Variants in SDR16C5 observed in about 807,000 individuals in gnomAD.
SDR16C5 encodes the protein short chain dehydrogenase/reductase family 16C member 5.
Under a neutral mutation model 27.7 loss-of-function variants are expected in SDR16C5, and 20 were observed. The ratio of observed to expected loss-of-function variants is 0.72; its 90% CI spans 0.51 to 1.05. The LOEUF is 1.05. SDR16C5 is among the 50% of genes least tolerant of loss of function. SDR16C5 has a pLI of 0.00. For missense variants in SDR16C5, 374 were observed against 366.3 expected (o/e 1.02, Z -0.17); for synonymous variants, 139 against 132.3 (o/e 1.05, Z -0.35).
chr8:56,312,997 C>T (rs899507894), intron 2 of SDR16C5, among the ~76,000 whole-genome samples: 28 of 152,006 alleles, frequency 1.8e-4, no homozygotes, highest in African/African-American at 4.6e-4. Flanking sequence ...AGGATGGTCT[C>T]GATCTCCTGA....
At chr8:56,306,970 T>A in intron 4 of SDR16C5, 150 bp from the exon 5 acceptor site, 1 of 680,714 alleles carries the variant, frequency 1.5e-6, no homozygotes, top group South Asian at 2.1e-5. Context: ...CTGGAAGAAG[T>A]GAGCAGGGAG....
At chr8:56,315,978 G>T (rs1382317440) in intron 2 of SDR16C5, 37 bp downstream of exon 2, 3 of 1,380,260 alleles carry the variant, frequency 2.2e-6, no homozygotes, top group African/African-American at 2.9e-5. Flanking sequence ...AGAGTGTGAT[G>T]TGTATCAAAT....
intron 2 of SDR16C5, among the ~76,000 whole-genome samples, chr8:56,315,007 G>A (rs2129261532): frequency 6.6e-6 from 1 of 152,236 alleles, no homozygotes; most frequent in East Asian, 1.9e-4. Flanking sequence ...CACTTTGGGA[G>A]GCCAAAGTGG....
At chr8:56,304,208 G>A (rs1814827790) in intron 6 of SDR16C5, 3 of 613,470 alleles carry the variant, frequency 4.9e-6, no homozygotes, top group Admixed American at 5.3e-5. Context: ...TGTAGTGGAA[G>A]TGAGGTATAA....
At position 56,308,925 on chromosome 8, in the gene SDR16C5, T is replaced by A; in HGVS notation, c.565+3A>T. 1.2e-6 allele frequency: 2 copies of A among 1,604,526 alleles called. No homozygotes were observed. ...CAATTGTAAATTGCTATGTTTTTCT[T>A]ACCTGCCAGCCCATTTACTCCACTT... is the stretch of plus-strand genomic sequence containing the variant. On this transcript the variant is annotated splice_donor_region_variant and intron_variant, in intron 4 of 6. Coordinates refer to ENST00000303749, the MANE Select transcript of SDR16C5 (RefSeq NM_138969.4).
intron 5 of SDR16C5, 24 bp downstream of exon 5, chr8:56,306,652 T>G: frequency 6.4e-7 from 1 of 1,554,120 alleles, no homozygotes; most frequent in South Asian, 1.2e-5. Flanking sequence ...GTGTAGATTC[T>G]TTGAAATTAA....
chr8:56,312,595 C>T (rs1339871511), intron 2 of SDR16C5, among the ~76,000 whole-genome samples: 1 of 151,990 alleles, frequency 6.6e-6, no homozygotes, highest in African/African-American at 2.4e-5. Flanking sequence ...GCCCCAGCTA[C>T]TCGGGAGGCT....
At chr8:56,307,794 A>T (rs1372785894) in intron 4 of SDR16C5, among the ~76,000 whole-genome samples, 1 of 152,172 alleles carries the variant, frequency 6.6e-6, no homozygotes, top group East Asian at 1.9e-4. Flanking sequence ...TGCATGCTAA[A>T]CTGGCACCCC....
At chr8:56,311,748 G>A (rs1384031479) in intron 3 of SDR16C5, among the ~76,000 whole-genome samples, 1 of 152,152 alleles carries the variant, frequency 6.6e-6, no homozygotes, top group Admixed American at 6.5e-5. Flanking sequence ...ACTTCCAAAA[G>A]TGTCCCAGCT....
In SDR16C5 at chr8:56,300,873, T is replaced by C. The variant is rs1814734168; in HGVS notation, c.*607A>G. The C allele has an allele frequency of 6.6e-6, 1 of 152,350 alleles. No individual in the cohort carries two copies. The highest frequency in any genetic ancestry group is 6.5e-5 in the Admixed American group (1 of 15,288). 9.4% of individuals were successfully genotyped at this position (152,350 alleles called of 1,614,324 possible). A position where few individuals can be genotyped will look rare whatever the true frequency, so the allele number is the denominator to read the frequency against. On this transcript the variant is annotated 3_prime_UTR_variant, in exon 7 of 7. Coordinates refer to ENST00000303749, the MANE Select transcript of SDR16C5 (RefSeq NM_138969.4). ...TGCCCGGTAAGGCTCTTGGGCACAATAGTGCTGGATGGGCCTTTAGCCAGA... is the reference window on the plus strand; with the variant it reads ...TGCCCGGTAAGGCTCTTGGGCACAACAGTGCTGGATGGGCCTTTAGCCAGA...
chr8:56,316,994 C>T (rs1815215736), intron 1 of SDR16C5, among the ~76,000 whole-genome samples: 1 of 152,140 alleles, frequency 6.6e-6, no homozygotes, highest in African/African-American at 2.4e-5. Context: ...TCTGAGGTCC[C>T]CGCACCAACA....
chr8:56,306,160 T>G (rs573897111), intron 5 of SDR16C5, among the ~76,000 whole-genome samples: 1 of 152,196 alleles, frequency 6.6e-6, no homozygotes, highest in Admixed American at 6.5e-5. Context: ...GCTTTTGAGG[T>G]GTAGCTAGGT....
chr8:56,316,161 G>C lies in SDR16C5; in HGVS notation c.187C>G (p.Leu63Val). The C allele has an allele frequency of 6.2e-7, 1 of 1,614,048 alleles. No homozygotes were observed. Among genetic ancestry groups the C allele is most frequent in the Non-Finnish European group, 8.5e-7 (1 of 1,179,988 alleles). The change falls in exon 2 of 7, where the codon CTG becomes GTG. Residue 63 changes from leucine to valine, a missense_variant. By Grantham distance (32) the Leu-to-Val change is conservative (BLOSUM62 1). Transcript: ENST00000303749. ...GRLLALQFAR[L>V]GSVLVLWDIN... ...TCCCAGAGAACAAGAACAGATCCCA[G>C]CCGGGCAAACTGCAAGGCTAAGAGC...
rs1168983665 is a variant in SDR16C5, at chr8:56,301,516, TGCA to T, written c.891_893del (p.His297_Ala298delinsGln). 1 of 1,614,072 alleles carries T rather than the reference TGCA, an allele frequency of 6.2e-7. No individual in the cohort carries two copies. The highest frequency in any genetic ancestry group is 8.5e-7 in the Non-Finnish European group (1 of 1,180,000). Reference sequence around the variant, plus strand: ...TCTTTTGGTCAACAAAGCCATCCATTGCATGAAGGATGCCCAAATAGTCAGCTA... The same window carrying T: ...TCTTTTGGTCAACAAAGCCATCCATTTGAAGGATGCCCAAATAGTCAGCTA... On this transcript the variant is annotated inframe_deletion, in exon 7 of 7. Transcript: ENST00000303749.
At chr8:56,306,279 T>G (rs1368619962) in intron 5 of SDR16C5, among the ~76,000 whole-genome samples, 1 of 152,210 alleles carries the variant, frequency 6.6e-6, no homozygotes, top group Non-Finnish European at 1.5e-5. Flanking sequence ...GGCATTTTTC[T>G]TGTTTAAGCC....
intron 1 of SDR16C5, among the ~76,000 whole-genome samples, chr8:56,319,524 C>T (rs572572427): frequency 3.3e-4 from 51 of 152,338 alleles, no homozygotes; most frequent in Non-Finnish European, 6.5e-4. Context: ...TTCTAGGTGT[C>T]CCTATCTCGC....
chr8:56,317,949 G>A (rs7835114), intron 1 of SDR16C5, among the ~76,000 whole-genome samples: 3,757 of 152,200 alleles, frequency 0.025, 169 homozygotes, highest in African/African-American at 0.086. Context: ...TTGAAGAGAC[G>A]TATTCAACAA....
intron 6 of SDR16C5, chr8:56,304,064 C>A: frequency 1.4e-6 from 1 of 702,876 alleles, no homozygotes; most frequent in Non-Finnish European, 2.6e-6. Flanking sequence ...GCATTCTGAC[C>A]CATCCTGTGC....
intron 6 of SDR16C5, among the ~76,000 whole-genome samples, chr8:56,304,414 G>C (rs1814831404): frequency 6.6e-6 from 1 of 152,174 alleles, no homozygotes; most frequent in Admixed American, 6.5e-5. Flanking sequence ...AAAATGAATT[G>C]AGATAACAGG....
Sources: gnomAD v4.1 joint callset for allele counts (sites outside exome capture counted in the v4.1 genomes callset) on GRCh38, gnomAD v4.1.1 for gene constraint, MANE v1.5 for transcripts, NCBI Gene and HGNC (gene_info 2026-07-23, HGNC 2026-07-21) for gene names.